The following PRKAA2 variants were observed in gnomAD, a reference collection of about 807,000 sequenced individuals.
PRKAA2 encodes the protein 5'-AMP-activated protein kinase catalytic subunit alpha-2.
Under a neutral mutation model 56.3 loss-of-function variants are expected in PRKAA2, and 40 were observed. That is an observed-to-expected ratio of 0.71 (90% CI 0.55 to 0.92). The LOEUF (loss-of-function observed/expected upper bound fraction) is 0.92. Among genes scored for constraint, PRKAA2 ranks in the 40% least tolerant of loss-of-function variants. The pLI, the probability that PRKAA2 is intolerant of heterozygous loss-of-function variation, is 0.00. For missense variants in PRKAA2, 542 were observed against 686.9 expected (o/e 0.79, Z 2.36); for synonymous variants, 214 against 234.2 (o/e 0.91, Z 0.79).
intron 1 of PRKAA2, among the ~76,000 whole-genome samples, chr1:56,660,173 C>T (rs1643982933): frequency 6.6e-6 from 1 of 152,122 alleles, no homozygotes; most frequent in African/African-American, 2.4e-5. Context: ...TTTATGTTCT[C>T]CACCAGAAGG....
chr1:56,662,267 A>G (rs1369473313), intron 1 of PRKAA2, among the ~76,000 whole-genome samples: 1 of 152,136 alleles, frequency 6.6e-6, no homozygotes, highest in African/African-American at 2.4e-5. Flanking sequence ...TTTTTTCTGC[A>G]GTTTAACTTT....
At chr1:56,662,642 A>G (rs559702136) in intron 1 of PRKAA2, among the ~76,000 whole-genome samples, 103 of 152,318 alleles carry the variant, frequency 6.8e-4, no homozygotes, top group African/African-American at 2.3e-3. Context: ...GTAAGCAATG[A>G]TAGCAGCCAT....
rs1644349263 is a variant in PRKAA2, at chr1:56,708,658, A to G, written c.*945A>G. On this transcript the variant is annotated 3_prime_UTR_variant, in exon 9 of 9. Coordinates refer to ENST00000371244, the MANE Select transcript of PRKAA2 (RefSeq NM_006252.4). ...AGGTGTTAGGGTCCTGGTGCAGCTCATAATGCTAATTCTTCATTGGAAGCC... is the reference window on the plus strand; with the variant it reads ...AGGTGTTAGGGTCCTGGTGCAGCTCGTAATGCTAATTCTTCATTGGAAGCC... The G allele has an allele frequency of 2.0e-5, 3 of 152,306 alleles. No individual in the cohort carries two copies. Among genetic ancestry groups the G allele is most frequent in the Non-Finnish European group, 4.4e-5 (3 of 68,036 alleles). 9.4% of individuals were successfully genotyped at this position (152,306 alleles called of 1,614,324 possible).
chr1:56,695,217 A>G (rs1222831594), intron 5 of PRKAA2, among the ~76,000 whole-genome samples: 1 of 145,334 alleles, frequency 6.9e-6, no homozygotes. Flanking sequence ...TTGTTTTGAG[A>G]TAGAGTCTCG....
At chr1:56,680,145 C>G (rs998806158) in intron 2 of PRKAA2, among the ~76,000 whole-genome samples, 1 of 152,080 alleles carries the variant, frequency 6.6e-6, no homozygotes, top group Admixed American at 6.5e-5. Flanking sequence ...GACACCCTAA[C>G]CCCCACATTG....
chr1:56,692,028 A>ATTTTTTTTTTTTTTTTTTTTTTTTTTTTT (rs397863487), intron 3 of PRKAA2, among the ~76,000 whole-genome samples: 1 of 112,804 alleles, frequency 8.9e-6, no homozygotes, highest in Non-Finnish European at 1.8e-5. Flanking sequence ...GATGTCTCAG[A>ATTTTTTTTTTTTTTTTTTTTTTTTTTTTT]TTTTTTTTTT....
intron 6 of PRKAA2, among the ~76,000 whole-genome samples, chr1:56,696,956 G>C (rs979592045): frequency 7.3e-5 from 10 of 136,864 alleles, no homozygotes; most frequent in Non-Finnish European, 1.6e-4. Context: ...TTACAAACAT[G>C]TTCTTTTGAC....
At chr1:56,674,839 A>C (rs1046452204) in intron 2 of PRKAA2, among the ~76,000 whole-genome samples, 1 of 152,046 alleles carries the variant, frequency 6.6e-6, no homozygotes, top group African/African-American at 2.4e-5. Context: ...ATTCTTATCC[A>C]ACTTTAAATG....
chr1:56,686,695 G>A (rs545854062), intron 2 of PRKAA2, among the ~76,000 whole-genome samples: 2 of 152,080 alleles, frequency 1.3e-5, no homozygotes, highest in African/African-American at 4.8e-5. Flanking sequence ...ACTTATTACT[G>A]AGGCAATGGT....
Position 56,707,696 on chromosome 1 carries a change from A to G in PRKAA2, c.1642A>G (p.Thr548Ala), listed in dbSNP as rs146730697. The G allele has an allele frequency of 1.3e-4, 202 of 1,599,806 alleles. 2 individuals carry two copies. The South Asian group carries it at 1.9e-3, about 15-fold the overall frequency. The change falls in exon 9 of 9, where the codon ACT becomes GCT. Residue 548 changes from threonine to alanine, a missense_variant. Coordinates refer to ENST00000371244, the MANE Select transcript of PRKAA2 (RefSeq NM_006252.4). ...DFFEMCASLI[T>A]TLAR is the part of the protein sequence containing the mutation. ...TTTTGAAATGTGTGCCAGTCTGATT[A>G]CTACTTTAGCCCGTTGATCTGTCTC...
chr1:56,661,541 T>C (rs1483121634), intron 1 of PRKAA2, among the ~76,000 whole-genome samples: 2 of 152,204 alleles, frequency 1.3e-5, no homozygotes, highest in African/African-American at 2.4e-5. Flanking sequence ...AGTATTGCAT[T>C]AAGACTATAC....
At chr1:56,651,765 A>G (rs1055083835) in intron 1 of PRKAA2, among the ~76,000 whole-genome samples, 5 of 152,212 alleles carry the variant, frequency 3.3e-5, no homozygotes, top group African/African-American at 1.2e-4. Flanking sequence ...TTATTATAAA[A>G]TGTGCTGAAT....
chr1:56,681,765 A>G (rs1228669260), intron 2 of PRKAA2, among the ~76,000 whole-genome samples: 3 of 152,094 alleles, frequency 2.0e-5, no homozygotes, highest in East Asian at 1.9e-4. Flanking sequence ...GTAGCCTTGT[A>G]GTATAGTTTG....
chr1:56,691,609 A>T (rs569220869), intron 3 of PRKAA2, 122 bp downstream of exon 3: 1 of 570,788 alleles, frequency 1.8e-6, no homozygotes, highest in South Asian at 4.4e-5. Flanking sequence ...TGCTCAACTA[A>T]ACATGTAGAG....
At chr1:56,662,751 GGTGT>G (rs1038985615) in intron 1 of PRKAA2, among the ~76,000 whole-genome samples, 1 of 152,072 alleles carries the variant, frequency 6.6e-6, no homozygotes, top group African/African-American at 2.4e-5. Context: ...TTGTTTTAAA[GGTGT>G]GTGTGTGTTT....
chr1:56,653,723 T>C (rs1052697131), intron 1 of PRKAA2, among the ~76,000 whole-genome samples: 1 of 152,158 alleles, frequency 6.6e-6, no homozygotes, highest in Non-Finnish European at 1.5e-5. Context: ...CAGAAATTTA[T>C]TGATGAGAGA....
intron 2 of PRKAA2, among the ~76,000 whole-genome samples, chr1:56,688,874 G>A (rs1023147212): frequency 6.6e-6 from 1 of 152,166 alleles, no homozygotes; most frequent in Non-Finnish European, 1.5e-5. Context: ...ATCTCACCGA[G>A]TACAATACAA....
At chr1:56,654,378 A>G (rs1183378124) in intron 1 of PRKAA2, among the ~76,000 whole-genome samples, 1 of 152,132 alleles carries the variant, frequency 6.6e-6, no homozygotes, top group Non-Finnish European at 1.5e-5. Flanking sequence ...TGGTTTCCTA[A>G]ATGATAGAGA....
Position 56,645,566 on chromosome 1 carries a change from C to T in PRKAA2, c.94+85C>T, listed in dbSNP as rs1309036491. 9.4e-6 allele frequency: 12 copies of T among 1,276,520 alleles called. No homozygotes were observed. The East Asian group carries it at 3.2e-4, about 34-fold the overall frequency. 79.1% of individuals were successfully genotyped at this position (1,276,520 alleles called of 1,614,324 possible). Reference sequence around the variant, plus strand: ...AGAGGCGGGAGCCCCGGGCCTCCGGCGGGCGCGGGGCTCGGCGGCAGGTGG... The same window carrying T: ...AGAGGCGGGAGCCCCGGGCCTCCGGTGGGCGCGGGGCTCGGCGGCAGGTGG... On this transcript the variant is annotated intron_variant, in intron 1 of 8. Transcript: ENST00000371244.
Sources: gnomAD v4.1 joint callset for allele counts (sites outside exome capture counted in the v4.1 genomes callset) on GRCh38, gnomAD v4.1.1 for gene constraint, MANE v1.5 for transcripts, NCBI Gene and HGNC (gene_info 2026-07-23, HGNC 2026-07-21) for gene names.